GPHN: variants seen among roughly 807,000 people sequenced by gnomAD.
GPHN encodes gephyrin.
In GPHN, 17 loss-of-function variants were observed where a neutral mutation model predicts 95.5. That is an observed-to-expected ratio of 0.18 (90% confidence interval 0.12 to 0.27). The LOEUF (loss-of-function observed/expected upper bound fraction) is 0.27, where lower values mean the gene tolerates loss of function less well. GPHN is among the 10% of genes least tolerant of loss of function. GPHN has a pLI of 1.00. For synonymous variants in GPHN, 320 were observed against 322.5 expected, an observed-to-expected ratio of 0.99 and a Z score of 0.08; for missense variants, 660 against 978.1, an observed-to-expected ratio of 0.67 and a Z score of 4.34.
chr14:66,733,915 T>A (rs1474796297), intron 2 of GPHN, among the ~76,000 whole-genome samples: 1 of 152,214 alleles, frequency 6.6e-6, no homozygotes, highest in African/African-American at 2.4e-5. Context: ...GGTTTTTTAG[T>A]ATTTTTCCTT....
chr14:66,975,094 A>C (rs1160958739), intron 9 of GPHN, among the ~76,000 whole-genome samples: 1 of 152,148 alleles, frequency 6.6e-6, no homozygotes, highest in Admixed American at 6.5e-5. Context: ...GCATCTTTCT[A>C]TGTCATGAAC....
chr14:67,280,871 C>T, the GPHN span, among the ~76,000 whole-genome samples: 125 of 131,188 alleles, frequency 9.5e-4, 1 homozygote, highest in African/African-American at 3.4e-3. Context: ...CTCCCTCCCT[C>T]CCTCCCTCCC....
chr14:67,309,957 A>G, the GPHN span, among the ~76,000 whole-genome samples: 1 of 152,104 alleles, frequency 6.6e-6, no homozygotes, highest in Admixed American at 6.5e-5. Context: ...CTCCACTACA[A>G]GTGATGCCAA....
At chr14:66,796,154 T>A (rs2060149953) in intron 3 of GPHN, among the ~76,000 whole-genome samples, 1 of 152,156 alleles carries the variant, frequency 6.6e-6, no homozygotes, top group Non-Finnish European at 1.5e-5. Flanking sequence ...TTGTTGCAAA[T>A]GACTGAATCT....
the GPHN span, among the ~76,000 whole-genome samples, chr14:67,529,200 G>C: frequency 6.6e-6 from 1 of 151,994 alleles, no homozygotes; most frequent in Non-Finnish European, 1.5e-5. Flanking sequence ...TACAAACGAG[G>C]AACACCTTCC....
intron 8 of GPHN, among the ~76,000 whole-genome samples, chr14:66,962,627 A>G (rs2069030013): frequency 6.6e-6 from 1 of 151,896 alleles, no homozygotes. Context: ...TTGCTTTATC[A>G]TGCCTACTCA....
At chr14:66,783,696 C>T (rs1388323100) in intron 3 of GPHN, among the ~76,000 whole-genome samples, 1 of 152,156 alleles carries the variant, frequency 6.6e-6, no homozygotes, top group Non-Finnish European at 1.5e-5. Context: ...TAGCATGCGC[C>T]CCTACTTGGT....
At chr14:67,567,919 A>G in the GPHN span, among the ~76,000 whole-genome samples, 23 of 152,294 alleles carry the variant, frequency 1.5e-4, no homozygotes, top group Admixed American at 1.0e-3. Flanking sequence ...AGGTGCAGGG[A>G]ACCCTGTGGG....
intron 1 of GPHN, among the ~76,000 whole-genome samples, chr14:66,523,856 C>T (rs1161948536): frequency 6.6e-6 from 1 of 151,976 alleles, no homozygotes; most frequent in East Asian, 1.9e-4. Context: ...TTGGTGTATC[C>T]CCATGCCCTT....
At chr14:67,112,721 G>T (rs1171966969) in intron 15 of GPHN, among the ~76,000 whole-genome samples, 1 of 152,032 alleles carries the variant, frequency 6.6e-6, no homozygotes, top group Non-Finnish European at 1.5e-5. Context: ...AAAACAATTT[G>T]TAAAGTAATT....
intron 8 of GPHN, among the ~76,000 whole-genome samples, chr14:66,935,293 T>C (rs1229582458): frequency 1.3e-5 from 2 of 152,004 alleles, no homozygotes; most frequent in Non-Finnish European, 2.9e-5. Context: ...TCTGGAGAAA[T>C]CCAAAACAAT....
the GPHN span, among the ~76,000 whole-genome samples, chr14:67,658,171 A>T: frequency 6.6e-6 from 1 of 152,088 alleles, no homozygotes; most frequent in Non-Finnish European, 1.5e-5. Flanking sequence ...TTTCAAAATA[A>T]AAGATGCAGA....
chr14:67,578,588 C>T, the GPHN span: 2 of 1,612,220 alleles, frequency 1.2e-6, no homozygotes, highest in Non-Finnish European at 1.7e-6. This position sits in a 1 kb window ranked among gnomAD's most constrained non-coding sequence, Gnocchi z 5.0. Context: ...GCATCACTTC[C>T]TCTGGTATGT....
chr14:66,916,420 A>G (rs1410459974), intron 6 of GPHN, among the ~76,000 whole-genome samples: 2 of 149,760 alleles, frequency 1.3e-5, no homozygotes, highest in Non-Finnish European at 3.0e-5. Context: ...TTCGTGTATG[A>G]TAATATACTT....
the GPHN span, among the ~76,000 whole-genome samples, chr14:67,305,110 T>C: frequency 6.6e-6 from 1 of 152,210 alleles, no homozygotes; most frequent in South Asian, 2.1e-4. Context: ...CTGTGCATTG[T>C]GCTGTTCCCT....
At position 66,785,736 on chromosome 14, in the gene GPHN, A is replaced by AC. The variant is rs563714735; in HGVS notation, c.201+9215_201+9216insC. Reference sequence around the variant, plus strand: ...CAAAAAAAAACCAAAAAACAAACAAAAAAAAAAAACAGAAAAATATCAGGA... The same window carrying AC: ...CAAAAAAAAACCAAAAAACAAACAAACAAAAAAAAACAGAAAAATATCAGGA... On this transcript the variant is annotated intron_variant, in intron 3 of 22. Coordinates refer to ENST00000478722, the MANE Select transcript of GPHN (RefSeq NM_020806.5). Among the ~76,000 whole-genome samples the AC allele has an allele frequency of 4.6e-3, 695 of 151,776 alleles. 11 individuals carry two copies. The highest frequency in any genetic ancestry group is 0.016 in the African/African-American group (663 of 41,444).
At chr14:66,629,616 T>C (rs1263228572) in intron 1 of GPHN, among the ~76,000 whole-genome samples, 2 of 152,150 alleles carry the variant, frequency 1.3e-5, no homozygotes, top group African/African-American at 4.8e-5. Flanking sequence ...AAGTGTTATG[T>C]AGTGTACATA....
chr14:67,683,213 T>G, the GPHN span, among the ~76,000 whole-genome samples: 1 of 152,094 alleles, frequency 6.6e-6, no homozygotes, highest in Non-Finnish European at 1.5e-5. Context: ...CAAAAGTCAA[T>G]CCAATAGTAA....
chr14:66,973,086 G>A (rs1488906591), intron 9 of GPHN, among the ~76,000 whole-genome samples: 2 of 152,090 alleles, frequency 1.3e-5, no homozygotes, highest in East Asian at 1.9e-4. Context: ...TGAGCAAACT[G>A]GCTTATGTTT....
Sources: allele counts gnomAD v4.1 joint callset (sites outside exome capture counted in the v4.1 genomes callset), GRCh38; gene constraint gnomAD v4.1.1; non-coding constraint Gnocchi (gnomAD v3.1); transcripts MANE v1.5; gene names NCBI Gene and HGNC (gene_info 2026-07-23, HGNC 2026-07-21).